Variants in TMEM114 observed in about 807,000 individuals in gnomAD.
TMEM114 encodes the protein transmembrane protein 114.
Under a neutral mutation model 6.2 loss-of-function variants are expected in TMEM114, and 6 were observed. The ratio of observed to expected loss-of-function variants is 0.97; its 90% CI spans 0.53 to 1.91. TMEM114 has a LOEUF of 1.91. TMEM114 is among the 40% of genes most tolerant of loss of function. The pLI is 0.01. For synonymous variants in TMEM114, 104 were observed against 73.0 expected (o/e 1.42, Z -2.16); for missense variants, 218 against 158.3 (o/e 1.38, Z -2.02).
chr16:8,581,278 G>T (rs543811350), intron 2 of TMEM114, among the ~76,000 whole-genome samples: 7 of 152,090 alleles, frequency 4.6e-5, no homozygotes, highest in African/African-American at 1.4e-4. Context: ...ACACTAATAT[G>T]CATTAGTATA....
At chr16:8,563,649 G>C (rs1285231431) in intron 2 of TMEM114, among the ~76,000 whole-genome samples, 3 of 151,392 alleles carry the variant, frequency 2.0e-5, no homozygotes, top group Admixed American at 1.3e-4. Flanking sequence ...AAATGAGTGA[G>C]TGAATGAGTG....
At chr16:8,569,467 G>T (rs769775242), downstream of TMEM114, 1 of 1,226,316 alleles carries the variant, frequency 8.2e-7, no homozygotes, top group Non-Finnish European at 1.0e-6. Flanking sequence ...GTCGGAGGGG[G>T]CGTGAGGACT....
At chr16:8,546,003 T>C (rs9937319) in intron 2 of TMEM114, among the ~76,000 whole-genome samples, 1 of 151,850 alleles carries the variant, frequency 6.6e-6, no homozygotes, top group African/African-American at 2.4e-5. Flanking sequence ...TAGTCCCAGC[T>C]GCCTTGGAGG....
chr16:8,567,734 G>A (rs1901592004), downstream of TMEM114, among the ~76,000 whole-genome samples: 1 of 152,172 alleles, frequency 6.6e-6, no homozygotes, highest in Non-Finnish European at 1.5e-5. Context: ...CAGCACTTGG[G>A]CGCTAGGAGG....
downstream of TMEM114, among the ~76,000 whole-genome samples, chr16:8,533,633 G>C (rs375289415): frequency 7.5e-4 from 114 of 152,330 alleles, no homozygotes; most frequent in African/African-American, 2.5e-3. Flanking sequence ...AATGAATGGA[G>C]TATGAAGTAC....
chr16:8,572,330 C>T (rs1255271632), intron 2 of TMEM114, 106 bp from the exon 3 acceptor site: 2 of 1,200,540 alleles, frequency 1.7e-6, no homozygotes, highest in Non-Finnish European at 2.4e-6. Context: ...AAAATCCACA[C>T]TGTCACTGCC....
chr16:8,547,960 G>A (rs887885433), intron 2 of TMEM114, among the ~76,000 whole-genome samples: 1 of 152,156 alleles, frequency 6.6e-6, no homozygotes, highest in Non-Finnish European at 1.5e-5. Context: ...TGCTGGGGCT[G>A]TGGAAATGAT....
At chr16:8,548,211 C>A (rs1900732892) in intron 2 of TMEM114, among the ~76,000 whole-genome samples, 1 of 152,182 alleles carries the variant, frequency 6.6e-6, no homozygotes, top group African/African-American at 2.4e-5. Flanking sequence ...GTTAGCCTCT[C>A]CACCCCTGGA....
chr16:8,585,128 G>C (rs930543767), intron 2 of TMEM114, among the ~76,000 whole-genome samples: 1 of 152,066 alleles, frequency 6.6e-6, no homozygotes, highest in Non-Finnish European at 1.5e-5. Context: ...TTGTGCAGGG[G>C]AACCCCCTTT....
intron 2 of TMEM114, among the ~76,000 whole-genome samples, chr16:8,581,354 T>C (rs1321175056): frequency 6.6e-6 from 1 of 152,232 alleles, no homozygotes; most frequent in Non-Finnish European, 1.5e-5. Context: ...TAGCCATCTC[T>C]CCATCTGTGG....
At chr16:8,567,848 A>G (rs560792116), downstream of TMEM114, among the ~76,000 whole-genome samples, 2 of 152,322 alleles carry the variant, frequency 1.3e-5, no homozygotes, top group South Asian at 2.1e-4. Context: ...TTTCGGTAGC[A>G]TGGTTGCCCT....
chr16:8,546,910 T>C (rs1311010361), intron 2 of TMEM114, among the ~76,000 whole-genome samples: 3 of 152,182 alleles, frequency 2.0e-5, no homozygotes, highest in Non-Finnish European at 4.4e-5. Flanking sequence ...TTCTTGTTCT[T>C]ATTTGGTTGG....
chr16:8,547,379 T>G (rs1402709982), intron 2 of TMEM114, among the ~76,000 whole-genome samples: 4 of 145,498 alleles, frequency 2.7e-5, no homozygotes, highest in African/African-American at 1.0e-4. Context: ...GCGCTTTCTT[T>G]CTTTCTTTCT....
At chr16:8,543,032 C>T (rs73505718) in intron 2 of TMEM114, among the ~76,000 whole-genome samples, 2,261 of 152,262 alleles carry the variant, frequency 0.015, 53 homozygotes, top group African/African-American at 0.049. Context: ...GCTGATAACA[C>T]GAAAATAGAC....
At chr16:8,554,590 C>T (rs910222341) in intron 2 of TMEM114, among the ~76,000 whole-genome samples, 7 of 152,260 alleles carry the variant, frequency 4.6e-5, no homozygotes, top group East Asian at 1.9e-4. Flanking sequence ...TCGCTCCCCA[C>T]GGACAGTGTC....
At chr16:8,562,720 G>C (rs370401946) in intron 2 of TMEM114, among the ~76,000 whole-genome samples, 2 of 151,796 alleles carry the variant, frequency 1.3e-5, no homozygotes, top group African/African-American at 4.9e-5. Context: ...GAGTGAGTGA[G>C]GGAGGGAGGG....
downstream of TMEM114, among the ~76,000 whole-genome samples, chr16:8,535,425 C>A (rs1900327600): frequency 6.6e-6 from 1 of 151,448 alleles, no homozygotes; most frequent in African/African-American, 2.4e-5. Flanking sequence ...TTTCTTCTTA[C>A]AATCTTCGCT....
At chr16:8,533,179 A>T (rs547182383), downstream of TMEM114, among the ~76,000 whole-genome samples, 1 of 152,342 alleles carries the variant, frequency 6.6e-6, no homozygotes, top group East Asian at 1.9e-4. Context: ...TTGAATAGTG[A>T]TGAGAGCTGA....
At chr16:8,563,785 GTGAGTAAA>G (rs1285012650) in intron 2 of TMEM114, among the ~76,000 whole-genome samples, 4 of 146,030 alleles carry the variant, frequency 2.7e-5, no homozygotes, top group African/African-American at 1.0e-4. Flanking sequence ...GAATGACTGA[GTGAGTAAA>G]TGAGTGAGGG....
Sources: gnomAD v4.1 joint callset for allele counts (sites outside exome capture counted in the v4.1 genomes callset) on GRCh38, gnomAD v4.1.1 for gene constraint, MANE v1.5 for transcripts, NCBI Gene and HGNC (gene_info 2026-07-23, HGNC 2026-07-21) for gene names.